Variants in ARHGEF3 observed in about 807,000 individuals in gnomAD.
ARHGEF3 encodes 59.8 kDA protein.
In ARHGEF3, 28 loss-of-function variants were observed where a neutral mutation model predicts 63.2. That is an observed-to-expected ratio of 0.44 (90% CI 0.33 to 0.61). The LOEUF is 0.61. Among genes scored for constraint, ARHGEF3 ranks in the 20% least tolerant of loss-of-function variants. The pLI, the probability that ARHGEF3 is intolerant of heterozygous loss-of-function variation, is 0.03. For synonymous variants in ARHGEF3, 266 were observed against 254.2 expected (o/e 1.05, Z -0.44); for missense variants, 533 against 659.3 (o/e 0.81, Z 2.10).
intron 2 of ARHGEF3, among the ~76,000 whole-genome samples, chr3:56,973,331 G>C (rs1701000030): frequency 1.3e-5 from 2 of 152,046 alleles, no homozygotes; most frequent in African/African-American, 4.8e-5. Context: ...GAACATATTT[G>C]AAGGCAGGAA....
Position 57,016,069 on chromosome 3 carries a change from C to T in ARHGEF3, c.62+19019G>A, listed in dbSNP as rs984420806. On this transcript the variant is annotated intron_variant, in intron 2 of 12. Coordinates refer to the ARHGEF3 transcript ENST00000338458. ...TACAGGACCCTAGTGGCACTCACAC[C>T]CACACAAGGAAAAGAACATGCACAA... Among the ~76,000 whole-genome samples, 3 of 152,236 alleles carry T rather than the reference C, an allele frequency of 2.0e-5. No individual in the cohort carries two copies. The East Asian group carries it at 5.8e-4, about 29-fold the overall frequency.
chr3:56,809,814 C>T lies in ARHGEF3; in HGVS notation c.193-35998G>A, dbSNP rs191717434. Among the ~76,000 whole-genome samples, 619 of 151,998 alleles carry T rather than the reference C, an allele frequency of 4.1e-3. 5 individuals carry two copies. The highest frequency in any genetic ancestry group is 0.014 in the African/African-American group (589 of 41,434). ...GTGGTGCAATCTCGGTTCAGTGCAA[C>T]CTCCACCTCCCAGGTTCAAGCGATT... On this transcript the variant is annotated intron_variant, in intron 4 of 12. Transcript: ENST00000338458.
chr3:56,784,195 A>G (rs1434516796), intron 1 of ARHGEF3, among the ~76,000 whole-genome samples: 2 of 152,162 alleles, frequency 1.3e-5, no homozygotes, highest in African/African-American at 4.8e-5. Flanking sequence ...AAAGAGTTCA[A>G]CCTCCTTAAA....
chr3:56,819,829 T>G (rs2038407799), intron 4 of ARHGEF3, among the ~76,000 whole-genome samples: 3 of 151,204 alleles, frequency 2.0e-5, no homozygotes, highest in Non-Finnish European at 4.4e-5. Flanking sequence ...TGCAACTTTT[T>G]TTTTTTTTCT....
chr3:56,990,843 C>T (rs529655384), intron 2 of ARHGEF3, among the ~76,000 whole-genome samples: 4 of 152,302 alleles, frequency 2.6e-5, no homozygotes, highest in Admixed American at 2.6e-4. Context: ...CCAGCTCTAT[C>T]TGTGAGGCTC....
At chr3:56,903,069 TACAC>T (rs55802504) in intron 3 of ARHGEF3, among the ~76,000 whole-genome samples, 6 of 148,096 alleles carry the variant, frequency 4.1e-5, no homozygotes, top group Admixed American at 1.3e-4. Flanking sequence ...TCTCTAAACA[TACAC>T]ACACACACAC....
At position 56,812,279 on chromosome 3, in the gene ARHGEF3, C is replaced by T. The variant is rs577396001; in HGVS notation, c.193-38463G>A. 2.0e-5 allele frequency among the ~76,000 whole-genome samples: 3 copies of T among 152,080 alleles called. No individual in the cohort carries two copies. In the South Asian group the frequency reaches 6.2e-4, roughly 32 times the overall value. On this transcript the variant is annotated intron_variant, in intron 4 of 12. Coordinates refer to the ARHGEF3 transcript ENST00000338458. The stretch of plus-strand genomic sequence containing the variant: ...ATTTTGAAAGGTAATTCAAATAGGC[C>T]CCTAATTTTAATGTTTAGCTTCTTG...
intron 3 of ARHGEF3, among the ~76,000 whole-genome samples, chr3:56,891,806 C>G (rs1346088401): frequency 6.6e-6 from 1 of 152,124 alleles, no homozygotes; most frequent in African/African-American, 2.4e-5. Flanking sequence ...ATAGTAGCAA[C>G]AGCAGCAGTA....
upstream of ARHGEF3, among the ~76,000 whole-genome samples, chr3:56,805,515 A>G (rs184869751): frequency 1.1e-4 from 17 of 152,238 alleles, no homozygotes; most frequent in Non-Finnish European, 2.1e-4. Context: ...GATTACAAGC[A>G]TAAGCCACTG....
At chr3:56,944,852 T>C (rs1699396514) in intron 3 of ARHGEF3, among the ~76,000 whole-genome samples, 1 of 152,124 alleles carries the variant, frequency 6.6e-6, no homozygotes, top group South Asian at 2.1e-4. Flanking sequence ...GTGCTGGAAT[T>C]ACAGATGTGA....
rs1294623988 is a variant in ARHGEF3, at chr3:56,729,409, G to T, written c.1442C>A (p.Thr481Lys). 1 of 1,614,020 alleles carries T rather than the reference G, an allele frequency of 6.2e-7. No homozygotes were observed. Among genetic ancestry groups the T allele is most frequent in the Non-Finnish European group, 8.5e-7 (1 of 1,180,010 alleles). ...TTGSRELQGETKLEQMDQSDS... is the reference protein window; with the variant it reads ...TTGSRELQGEKKLEQMDQSDS... The stretch of plus-strand genomic sequence containing the variant: ...CGATTGGTCCATCTGCTCAAGTTTT[G>T]TTTCTCCCTGTAGCTCTCTGCTCCC... The change falls in exon 10 of 10, where the codon ACA (threonine) becomes AAA (lysine). Residue 481 changes from threonine to lysine, a missense_variant. This residue lies in a region of ARHGEF3 where 115 missense variants were observed against 103.4 expected (regional missense o/e 1.11). Transcript: ENST00000296315.
At chr3:56,799,863 C>CA (rs1254400353) in intron 1 of ARHGEF3, among the ~76,000 whole-genome samples, 2 of 152,068 alleles carry the variant, frequency 1.3e-5, no homozygotes, top group Non-Finnish European at 2.9e-5. Context: ...AAATCAAACA[C>CA]TAAAAAACAA....
At chr3:56,793,682 A>G (rs1245166961) in intron 1 of ARHGEF3, among the ~76,000 whole-genome samples, 1 of 152,204 alleles carries the variant, frequency 6.6e-6, no homozygotes, top group Admixed American at 6.5e-5. Context: ...TTTCATTTCT[A>G]TAATTCCTAC....
At chr3:57,006,563 G>A (rs996740335) in intron 2 of ARHGEF3, among the ~76,000 whole-genome samples, 2 of 152,144 alleles carry the variant, frequency 1.3e-5, no homozygotes, top group Non-Finnish European at 2.9e-5. Flanking sequence ...TATCAGTAAA[G>A]ACACATGGCA....
intron 1 of ARHGEF3, among the ~76,000 whole-genome samples, chr3:57,071,525 T>C (rs923682299): frequency 2.0e-4 from 31 of 152,140 alleles, no homozygotes; most frequent in African/African-American, 7.2e-4. Flanking sequence ...CTGGGTGTGA[T>C]GATGCACACC....
chr3:56,752,454 C>T lies in ARHGEF3; in HGVS notation c.438+1050G>A, dbSNP rs1361530439. ...GCTCTAGAAGGTCAGAGAATTAAAG[C>T]TGGAGTGGCCAAGGGAAGTTTTGAA... On this transcript the variant is annotated intron_variant, in intron 4 of 9. Coordinates refer to ENST00000296315, the MANE Select transcript of ARHGEF3 (RefSeq NM_019555.3). 3.3e-5 allele frequency among the ~76,000 whole-genome samples: 5 copies of T among 152,314 alleles called. No homozygotes were observed. The East Asian group carries it at 9.6e-4, about 29-fold the overall frequency.
chr3:56,933,394 CTT>C (rs869041385), intron 3 of ARHGEF3, among the ~76,000 whole-genome samples: 7 of 132,858 alleles, frequency 5.3e-5, no homozygotes, highest in Admixed American at 7.5e-5. Flanking sequence ...TGTTTCTTTT[CTT>C]TTTTTTTTTT....
At chr3:56,814,544 T>C (rs1408437805) in intron 4 of ARHGEF3, among the ~76,000 whole-genome samples, 1 of 152,134 alleles carries the variant, frequency 6.6e-6, no homozygotes, top group Non-Finnish European at 1.5e-5. Flanking sequence ...AGTTTCAAGG[T>C]TTTAATGAGT....
intron 1 of ARHGEF3, among the ~76,000 whole-genome samples, chr3:57,067,814 C>T (rs1560175152): frequency 3.1e-5 from 4 of 127,134 alleles, no homozygotes. Context: ...CCCGTCTCTA[C>T]TAAAAAAAAA....
Sources: allele counts gnomAD v4.1 joint callset (sites outside exome capture counted in the v4.1 genomes callset), GRCh38; gene constraint gnomAD v4.1.1; regional missense constraint gnomAD v4.1.1; transcripts MANE v1.5; gene names NCBI Gene and HGNC (gene_info 2026-07-23, HGNC 2026-07-21).